Variants in SLC9A2 observed in about 807,000 individuals in gnomAD.
The protein encoded by SLC9A2 is sodium/hydrogen exchanger 2.
In SLC9A2, 42 loss-of-function variants were observed where a neutral mutation model predicts 71.7. The ratio of observed to expected loss-of-function variants is 0.59; its 90% CI spans 0.46 to 0.76. The LOEUF (loss-of-function observed/expected upper bound fraction) is 0.76. Ranked by LOEUF, SLC9A2 falls within the 30% of genes least tolerant of loss-of-function variation. The pLI is 0.00. For synonymous variants in SLC9A2, 396 were observed against 392.5 expected (o/e 1.01, Z -0.10); for missense variants, 829 against 1,017.4 (o/e 0.81, Z 2.52).
In SLC9A2 at chr2:102,704,705, C is replaced by A. The variant is rs768554710; in HGVS notation, c.1977+30C>A. On this transcript the variant is annotated intron_variant, in intron 10 of 11. Coordinates refer to ENST00000233969, the MANE Select transcript of SLC9A2 (RefSeq NM_003048.6). Reference sequence around the variant, plus strand: ...CTGAGTGTGCGCCTCTAGGAGACTTCCAGGGGTGGAGCCGACAGCTATTCC... The same window carrying A: ...CTGAGTGTGCGCCTCTAGGAGACTTACAGGGGTGGAGCCGACAGCTATTCC... The A allele has an allele frequency of 3.1e-6, 5 of 1,600,598 alleles. No homozygotes were observed. In the South Asian group the frequency reaches 5.5e-5, roughly 18 times the overall value.
chr2:102,707,311 T>A (rs1055493836), intron 11 of SLC9A2, among the ~76,000 whole-genome samples: 15 of 151,710 alleles, frequency 9.9e-5, no homozygotes, highest in African/African-American at 1.5e-4. Context: ...TTATTTTTTT[T>A]TTTTTGCTTG....
chr2:102,667,742 A>G (rs1000929484), intron 3 of SLC9A2, among the ~76,000 whole-genome samples: 2 of 152,164 alleles, frequency 1.3e-5, no homozygotes, highest in Non-Finnish European at 2.9e-5. Context: ...TTGACAACTT[A>G]GTGTAGAGGA....
chr2:102,707,926 G>A (rs977641029), intron 11 of SLC9A2, among the ~76,000 whole-genome samples, 193 bp from the exon 12 acceptor site: 7 of 152,306 alleles, frequency 4.6e-5, no homozygotes, highest in Middle Eastern at 6.8e-3. Flanking sequence ...ATATATACCT[G>A]TGGGTATGGG....
At chr2:102,695,770 A>AATATATATTATATATATATTAT (rs66646733) in intron 7 of SLC9A2, among the ~76,000 whole-genome samples, 1 of 99,668 alleles carries the variant, frequency 1.0e-5, no homozygotes, top group Non-Finnish European at 2.1e-5. Flanking sequence ...ATATATATAT[A>AATATATATTATATATATATTAT]ATATATATTA....
intron 3 of SLC9A2, among the ~76,000 whole-genome samples, chr2:102,672,397 T>TG: frequency 6.6e-6 from 1 of 152,248 alleles, no homozygotes; most frequent in East Asian, 1.9e-4. Flanking sequence ...GTTTTCTACT[T>TG]GGATATTTGA....
intron 5 of SLC9A2, among the ~76,000 whole-genome samples, chr2:102,688,628 T>A (rs1030009253): frequency 6.6e-6 from 1 of 152,238 alleles, no homozygotes; most frequent in African/African-American, 2.4e-5. Flanking sequence ...CTCGGGAGGC[T>A]GAGGCAGGAG....
At chr2:102,695,849 T>G (rs1677758478) in intron 7 of SLC9A2, among the ~76,000 whole-genome samples, 1 of 141,480 alleles carries the variant, frequency 7.1e-6, no homozygotes, top group African/African-American at 2.6e-5. Flanking sequence ...ATCTGAAAAA[T>G]TACATACATT....
intron 7 of SLC9A2, among the ~76,000 whole-genome samples, chr2:102,695,380 G>A (rs749145577): frequency 1.3e-5 from 2 of 152,098 alleles, no homozygotes; most frequent in Admixed American, 6.6e-5. Flanking sequence ...CCCAGGGTCC[G>A]AGGACTGTCT....
chr2:102,701,318 T>A (rs1677870579), intron 8 of SLC9A2, 87 bp downstream of exon 8: 2 of 1,027,652 alleles, frequency 1.9e-6, no homozygotes, highest in Admixed American at 3.1e-5. Flanking sequence ...TTTAAAAAAA[T>A]TATTATTAAT....
At chr2:102,657,221 A>G (rs1044230930) in intron 1 of SLC9A2, among the ~76,000 whole-genome samples, 3 of 151,916 alleles carry the variant, frequency 2.0e-5, no homozygotes, top group African/African-American at 7.3e-5. Flanking sequence ...AAAAAATAAT[A>G]ATAATAATAA....
chr2:102,642,169 A>C (rs952380381), intron 1 of SLC9A2, among the ~76,000 whole-genome samples: 5 of 152,226 alleles, frequency 3.3e-5, no homozygotes, highest in African/African-American at 1.2e-4. Context: ...CCCATAATGT[A>C]CGTGGTTTCC....
chr2:102,620,866 A>G (rs1676121640), intron 1 of SLC9A2, among the ~76,000 whole-genome samples: 1 of 152,128 alleles, frequency 6.6e-6, no homozygotes, highest in African/African-American at 2.4e-5. Context: ...TAGCAAGACC[A>G]AACAGTACAA....
chr2:102,656,122 A>T (rs1373236627), intron 1 of SLC9A2, among the ~76,000 whole-genome samples: 1 of 152,236 alleles, frequency 6.6e-6, no homozygotes, highest in African/African-American at 2.4e-5. Context: ...CTGAAGGATG[A>T]TTGCTGTTGT....
chr2:102,661,156 A>C (rs576519594), intron 2 of SLC9A2, among the ~76,000 whole-genome samples: 1 of 152,370 alleles, frequency 6.6e-6, no homozygotes, highest in South Asian at 2.1e-4. Flanking sequence ...GTTAGAATAA[A>C]TGTTGCATGA....
chr2:102,634,198 C>A (rs1275718286), intron 1 of SLC9A2, among the ~76,000 whole-genome samples: 1 of 152,132 alleles, frequency 6.6e-6, no homozygotes, highest in Non-Finnish European at 1.5e-5. Context: ...TACTAATGAC[C>A]TGTCACATAT....
At chr2:102,693,100 T>C (rs1265357246) in intron 5 of SLC9A2, among the ~76,000 whole-genome samples, 1 of 151,934 alleles carries the variant, frequency 6.6e-6, no homozygotes, top group African/African-American at 2.4e-5. Flanking sequence ...ATATGTTTTT[T>C]TCATTGCTAT....
At chr2:102,658,592 C>G (rs1259177451) in intron 2 of SLC9A2, among the ~76,000 whole-genome samples, 1 of 151,538 alleles carries the variant, frequency 6.6e-6, no homozygotes, top group African/African-American at 2.4e-5. Flanking sequence ...CTTTCTGTTA[C>G]TACTCAACCA....
At chr2:102,704,918 G>C (rs980321263) in intron 10 of SLC9A2, among the ~76,000 whole-genome samples, 6 of 152,154 alleles carry the variant, frequency 3.9e-5, no homozygotes, top group Non-Finnish European at 8.8e-5. Flanking sequence ...TCGTGGGCCG[G>C]TCGTGGTGGC....
At chr2:102,646,143 G>C (rs9653446) in intron 1 of SLC9A2, among the ~76,000 whole-genome samples, 5,370 of 152,222 alleles carry the variant, frequency 0.035, 243 homozygotes, top group East Asian at 0.21. Flanking sequence ...TGGGGACCGA[G>C]ATTTAACATT....
Sources: gnomAD v4.1 joint callset for allele counts (sites outside exome capture counted in the v4.1 genomes callset) on GRCh38, gnomAD v4.1.1 for gene constraint, MANE v1.5 for transcripts, NCBI Gene and HGNC (gene_info 2026-07-23, HGNC 2026-07-21) for gene names.